Variants in MMRN2 observed in about 807,000 individuals in gnomAD.
MMRN2 encodes the protein multimerin 2.
Under a neutral mutation model 68.8 loss-of-function variants are expected in MMRN2, and 53 were observed. The observed-to-expected ratio is 0.77, with a 90% confidence interval of 0.62 to 0.97. The LOEUF (loss-of-function observed/expected upper bound fraction) is 0.97, where lower values mean the gene tolerates loss of function less well. Among genes scored for constraint, MMRN2 ranks in the 50% least tolerant of loss-of-function variants. MMRN2 has a pLI of 0.00. For synonymous variants in MMRN2, 564 were observed against 551.6 expected (o/e 1.02, Z -0.32); for missense variants, 1,266 against 1,259.5 (o/e 1.01, Z -0.08).
rs1843996710 is a variant in MMRN2 at position 86,942,884 on chromosome 10, A to C, written c.1900T>G (p.Tyr634Asp). The change falls in exon 6 of 7, where the codon TAC becomes GAC. Residue 634 changes from tyrosine (Y) to aspartate (D), a missense_variant. Transcript: ENST00000372027. ...EQTPGPLPLSYEQIRVALQDA... is the reference protein window; with the variant it reads ...EQTPGPLPLSDEQIRVALQDA... ...TGCAGGGCCACGCGGATCTGCTCGTAGCTCAGGGGCAGCGGTCCCGGCGTC... is the reference window on the plus strand; with the variant it reads ...TGCAGGGCCACGCGGATCTGCTCGTCGCTCAGGGGCAGCGGTCCCGGCGTC... 6.9e-7 allele frequency: 1 copy of C among 1,444,664 alleles called. No individual in the cohort carries two copies. The highest frequency in any genetic ancestry group is 1.5e-5 in the African/African-American group (1 of 67,342). 89.5% of individuals were successfully genotyped at this position (1,444,664 alleles called of 1,614,324 possible).
chr10:86,955,548 G>A (rs151034506), intron 1 of MMRN2, among the ~76,000 whole-genome samples: 1 of 152,226 alleles, frequency 6.6e-6, no homozygotes, highest in Admixed American at 6.5e-5. Flanking sequence ...CAGAATGCCT[G>A]GCCCTGGCAG....
rs776264219 is a variant in MMRN2, at chr10:86,943,557, C to G, written c.1227G>C (p.Val409=). 51 of 1,614,090 alleles carry G rather than the reference C, an allele frequency of 3.2e-5. No individual in the cohort carries two copies. In the East Asian group the frequency reaches 1.1e-3, roughly 35 times the overall value. ...EDMRATLTRH[V]DEIKELYSES... ...CGGAGTACAGTTCCTTGATCTCATC[C>G]ACGTGCCGGGTCAGGGTGGCCCTCA... Residue 409 remains valine (V), a synonymous_variant, in exon 6 of 7, where the codon GTG becomes GTC. Transcript: ENST00000372027. This position sits in a 1 kb window ranked among gnomAD's most constrained non-coding sequence, Gnocchi z 4.2.
Position 86,944,317 on chromosome 10 carries a change from T to C in MMRN2, c.600A>G (p.Lys200=), listed in dbSNP as rs1186736601. ...RVADSLPGLW[K]ALPGNLTAAV... Reference sequence around the variant, plus strand: ...CAGCTGTGAGGTTACCAGGCAGGGCTTTCCACAGGCCTGGCAGGCTGTCTG... The same window carrying C: ...CAGCTGTGAGGTTACCAGGCAGGGCCTTCCACAGGCCTGGCAGGCTGTCTG... Residue 200 remains lysine (K), a synonymous_variant, in exon 5 of 7, where the codon AAA becomes AAG. Transcript: ENST00000372027. 6.2e-7 allele frequency: 1 copy of C among 1,613,690 alleles called. No homozygotes were observed. The highest frequency in any genetic ancestry group is 8.5e-7 in the Non-Finnish European group (1 of 1,179,808).
intron 6 of MMRN2, among the ~76,000 whole-genome samples, chr10:86,940,895 G>A (rs897844875): frequency 6.6e-6 from 1 of 152,228 alleles, no homozygotes; most frequent in African/African-American, 2.4e-5. Flanking sequence ...CCACACTCAG[G>A]GAGGGGATGG....
At chr10:86,948,964 AC>A (rs981631437) in intron 1 of MMRN2, 11 of 152,228 alleles carry the variant, frequency 7.2e-5, no homozygotes, top group African/African-American at 2.4e-4. Context: ...TCAACAACAA[AC>A]AAAAAACATA....
chr10:86,944,391 G>C lies in MMRN2; in HGVS notation c.526C>G (p.Gln176Glu). ...VINEVEVQQE[Q>E]QEHLLGDLQN... ...AGATCTCCCAGCAGATGTTCCTGCT[G>C]TTCCTGTTGCACCTCAACCTCATTG... The change falls in exon 5 of 7, where the codon CAG becomes GAG. Residue 176 changes from glutamine to glutamate, a missense_variant. By Grantham distance (29) the Gln-to-Glu change is conservative. Coordinates refer to ENST00000372027, the MANE Select transcript of MMRN2 (RefSeq NM_024756.3). The C allele has an allele frequency of 6.2e-7, 1 of 1,614,010 alleles. No individual in the cohort carries two copies. The highest frequency in any genetic ancestry group is 8.5e-7 in the Non-Finnish European group (1 of 1,180,028).
intron 1 of MMRN2, chr10:86,949,354 T>C (rs1844112799): frequency 6.6e-6 from 1 of 152,114 alleles, no homozygotes; most frequent in Admixed American, 6.5e-5. Context: ...TGTATCCCAG[T>C]AGGAGACTAC....
intron 1 of MMRN2, among the ~76,000 whole-genome samples, chr10:86,952,619 G>A (rs1440392676): frequency 2.0e-5 from 3 of 152,158 alleles, no homozygotes; most frequent in African/African-American, 7.2e-5. Flanking sequence ...GTATGAACAG[G>A]GAGTAGGTCA....
intron 1 of MMRN2, among the ~76,000 whole-genome samples, chr10:86,953,592 T>C (rs529324474): frequency 1.2e-3 from 189 of 152,104 alleles, no homozygotes; most frequent in African/African-American, 4.5e-3. Context: ...CACGACTGGG[T>C]GGTGGGTGCT....
rs982620112 is a variant in MMRN2, at chr10:86,936,182, ATTTCC to A, written c.*556_*560del. 7.9e-6 allele frequency: 3 copies of A among 380,830 alleles called. No individual in the cohort carries two copies. Among genetic ancestry groups the A allele is most frequent in the African/African-American group, 6.2e-5 (3 of 48,314 alleles). The allele number at this position is 380,830 out of a possible 1,614,324, so 23.6% of individuals were successfully genotyped here. ...GGAATGACTGAAACTAAAGATACTA[ATTTCC>A]TTTCCCTTGGTTGGCCAGGCTGTCG... On this transcript the variant is annotated 3_prime_UTR_variant, in exon 7 of 7. Coordinates refer to ENST00000372027, the MANE Select transcript of MMRN2 (RefSeq NM_024756.3).
chr10:86,953,517 G>GA (rs1844171940), intron 1 of MMRN2, among the ~76,000 whole-genome samples: 1 of 152,162 alleles, frequency 6.6e-6, no homozygotes, highest in Non-Finnish European at 1.5e-5. Flanking sequence ...CAGCCCTAGG[G>GA]AAAAATCTCT....
At chr10:86,946,952 G>T (rs1844078044) in intron 1 of MMRN2, among the ~76,000 whole-genome samples, 1 of 152,130 alleles carries the variant, frequency 6.6e-6, no homozygotes, top group African/African-American at 2.4e-5. Context: ...ATGTGACAGG[G>T]GTGCAAGAGG....
chr10:86,947,367 G>A (rs972332110), intron 1 of MMRN2, among the ~76,000 whole-genome samples: 1 of 151,780 alleles, frequency 6.6e-6, no homozygotes, highest in East Asian at 1.9e-4. Flanking sequence ...CGGGGGATTC[G>A]AGTGACTTTT....
chr10:86,937,552 G>A (rs550566995), intron 6 of MMRN2, among the ~76,000 whole-genome samples: 1 of 151,716 alleles, frequency 6.6e-6, no homozygotes, highest in Non-Finnish European at 1.5e-5. Flanking sequence ...TTCCCAAAAT[G>A]TTGGGCTTGC....
In MMRN2 at chr10:86,942,409, C is replaced by G. The variant is rs771425042; in HGVS notation, c.2375G>C (p.Arg792Pro). The G allele has an allele frequency of 6.2e-7, 1 of 1,614,216 alleles. No individual in the cohort carries two copies. The highest frequency in any genetic ancestry group is 1.1e-5 in the South Asian group (1 of 91,088). The change falls in exon 6 of 7, where the codon CGG (arginine) becomes CCG (proline). Residue 792 changes from arginine to proline, a missense_variant. By Grantham distance (103) the Arg-to-Pro change is moderately radical (BLOSUM62 -2). Coordinates refer to ENST00000372027, the MANE Select transcript of MMRN2 (RefSeq NM_024756.3). ...KKQQKDLEAP[R>P]KRDKKEAEPL... ...CTCCGCTTCCTTCTTGTCCCTCTTC[C>G]GGGGAGCTTCCAGGTCTTTCTGCTG...
chr10:86,955,967 T>A (rs1198659554), intron 1 of MMRN2, among the ~76,000 whole-genome samples: 1 of 151,902 alleles, frequency 6.6e-6, no homozygotes, highest in Non-Finnish European at 1.5e-5. Flanking sequence ...GAGCAATGTC[T>A]CTCCCACAAC....
At chr10:86,940,451 G>A (rs534353202) in intron 6 of MMRN2, among the ~76,000 whole-genome samples, 1 of 152,376 alleles carries the variant, frequency 6.6e-6, no homozygotes, top group African/African-American at 2.4e-5. Context: ...AGAGAGAAGT[G>A]TCAGTGTCGG....
In MMRN2 at chr10:86,935,654, T is replaced by G. The variant is rs903285290; in HGVS notation, c.*1089A>C. ...TTAGAGATGCTAACAAGAATTACGA[T>G]GGTCCTAAGATACTGGAGGAAGTAA... On this transcript the variant is annotated 3_prime_UTR_variant, in exon 7 of 7. Coordinates refer to ENST00000372027, the MANE Select transcript of MMRN2 (RefSeq NM_024756.3). 1 of 152,238 alleles carries G rather than the reference T, an allele frequency of 6.6e-6. No homozygotes were observed. The highest frequency in any genetic ancestry group is 2.4e-5 in the African/African-American group (1 of 41,468). 9.4% of individuals were successfully genotyped at this position (152,238 alleles called of 1,614,324 possible). A position where few individuals can be genotyped will look rare whatever the true frequency, so the allele number is the denominator to read the frequency against.
chr10:86,943,571 G>C lies in MMRN2; in HGVS notation c.1213C>G (p.Leu405Val), dbSNP rs374823181. 9.9e-6 allele frequency: 16 copies of C among 1,614,042 alleles called. No homozygotes were observed. Among genetic ancestry groups the C allele is most frequent in the Non-Finnish European group, 1.4e-5 (16 of 1,180,050 alleles). ...TTGATCTCATCCACGTGCCGGGTCA[G>C]GGTGGCCCTCATGTCCTCCAGGGTG... ...QYTLEDMRATLTRHVDEIKEL... is the reference protein window; with the variant it reads ...QYTLEDMRATVTRHVDEIKEL... Residue 405 changes from leucine (L) to valine (V), a missense_variant, in exon 6 of 7, where the codon CTG becomes GTG. Coordinates refer to ENST00000372027, the MANE Select transcript of MMRN2 (RefSeq NM_024756.3). The surrounding 1 kb of genome is among the most constrained non-coding windows in gnomAD (Gnocchi z 4.2).
Sources: allele counts gnomAD v4.1 joint callset (sites outside exome capture counted in the v4.1 genomes callset), GRCh38; gene constraint gnomAD v4.1.1; non-coding constraint Gnocchi (gnomAD v3.1); transcripts MANE v1.5; gene names NCBI Gene and HGNC (gene_info 2026-07-23, HGNC 2026-07-21).